The following CNTNAP1 variants were observed in gnomAD, a reference collection of about 807,000 sequenced individuals.
The protein encoded by CNTNAP1 is contactin associated protein 1.
CNTNAP1 carries 80 observed loss-of-function variants against 161.5 expected under a neutral mutation model. That is an observed-to-expected ratio of 0.50 (90% CI 0.41 to 0.60). CNTNAP1 has a LOEUF of 0.60. Among genes scored for constraint, CNTNAP1 ranks in the 20% least tolerant of loss-of-function variants. CNTNAP1 has a pLI of 0.00. For missense variants in CNTNAP1, 1,464 were observed against 1,854.8 expected, an observed-to-expected ratio of 0.79 and a Z score of 3.87; for synonymous variants, 695 against 733.1, an observed-to-expected ratio of 0.95 and a Z score of 0.84.
intron 17 of CNTNAP1, 45 bp downstream of exon 17, chr17:42,692,765 C>G: frequency 6.5e-7 from 1 of 1,538,798 alleles, no homozygotes; most frequent in South Asian, 1.2e-5. Context: ...CTTTACCTCC[C>G]CATCCTCCAA....
rs1034847479 is a variant in CNTNAP1, at chr17:42,690,786, C to T, written c.1903C>T (p.Arg635Ter). ...VVRHDRLWTT[R>*]VTGSSMERPF... ...GCGGCATGACAGGCTGTGGACAACTCGAGTGACAGGTTCCAGCATGGAGCG... is the reference window on the plus strand; with the variant it reads ...GCGGCATGACAGGCTGTGGACAACTTGAGTGACAGGTTCCAGCATGGAGCG... Residue 635 changes from arginine (R) to a stop codon, truncating the protein, a stop_gained, in exon 13 of 24, where the codon CGA (arginine) becomes TGA (stop). Coordinates refer to ENST00000264638, the MANE Select transcript of CNTNAP1 (RefSeq NM_003632.3). LOFTEE classifies it high-confidence loss of function. 2 of 1,614,162 alleles carry T rather than the reference C, an allele frequency of 1.2e-6. No homozygotes were observed. Among genetic ancestry groups the T allele is most frequent in the Non-Finnish European group, 8.5e-7 (1 of 1,180,022 alleles).
rs760327746 is a variant in CNTNAP1 at position 42,690,125 on chromosome 17, T to G, written c.1773T>G (p.Ser591Arg). ...AATCCTGTGAGGCTTATCGGCTCAG[T>G]GGGAAAACTTCTGGAAACTTCACCA... ...YKESCEAYRL[S>R]GKTSGNFTID... The change falls in exon 12 of 24, where the codon AGT becomes AGG. Residue 591 changes from serine to arginine, a missense_variant. Coordinates refer to ENST00000264638, the MANE Select transcript of CNTNAP1 (RefSeq NM_003632.3). 1 of 1,613,894 alleles carries G rather than the reference T, an allele frequency of 6.2e-7. No homozygotes were observed. The highest frequency in any genetic ancestry group is 1.3e-5 in the African/African-American group (1 of 74,878).
At chr17:42,692,414 GA>G in intron 16 of CNTNAP1, 84 bp from the exon 17 acceptor site, 3 of 1,146,264 alleles carry the variant, frequency 2.6e-6, no homozygotes, top group Non-Finnish European at 2.5e-6. Flanking sequence ...AGAGGTGAGG[GA>G]AAGAGGTTAT....
At position 42,697,372 on chromosome 17, in the gene CNTNAP1, G is replaced by T; in HGVS notation, c.3568+5G>T. Reference sequence around the variant, plus strand: ...TGTATTTAGGGCGTGTGATGGGTAAGCTGCGGGTGCGGACGCGTTTTAGGC... The same window carrying T: ...TGTATTTAGGGCGTGTGATGGGTAATCTGCGGGTGCGGACGCGTTTTAGGC... On this transcript the variant is annotated splice_donor_5th_base_variant and intron_variant, in intron 21 of 23. Coordinates refer to ENST00000264638, the MANE Select transcript of CNTNAP1 (RefSeq NM_003632.3). The T allele has an allele frequency of 6.2e-7, 1 of 1,614,056 alleles. No homozygotes were observed. Among genetic ancestry groups the T allele is most frequent in the Non-Finnish European group, 8.5e-7 (1 of 1,179,942 alleles).
intron 8 of CNTNAP1, 78 bp from the exon 9 acceptor site, chr17:42,688,384 G>C: frequency 6.3e-7 from 1 of 1,592,076 alleles, no homozygotes. Context: ...CAGTGGGGCT[G>C]CTGCTTCCCC....
At chr17:42,693,639 T>TA (rs1470448998) in intron 18 of CNTNAP1, 103 bp downstream of exon 18, 2 of 1,504,640 alleles carry the variant, frequency 1.3e-6, no homozygotes, top group Non-Finnish European at 1.8e-6. Context: ...CATGGAAAAT[T>TA]AGAGTTGTCC....
chr17:42,696,194 A>G (rs1360948778), intron 20 of CNTNAP1, 42 bp downstream of exon 20: 1 of 1,609,156 alleles, frequency 6.2e-7, no homozygotes, highest in South Asian at 1.1e-5. Flanking sequence ...TCATAACCTC[A>G]TGGTCTCCGT....
In CNTNAP1 at chr17:42,683,596, A is replaced by C. The variant is rs8075349; in HGVS notation, c.68-225A>C. On this transcript the variant is annotated intron_variant, in intron 1 of 23. Coordinates refer to ENST00000264638, the MANE Select transcript of CNTNAP1 (RefSeq NM_003632.3). Reference sequence around the variant, plus strand: ...AGGGAGGGTCTGGCCTTGGGCCTATAGGTGTAGCCTAGGGGTTTGCCTAGA... The same window carrying C: ...AGGGAGGGTCTGGCCTTGGGCCTATCGGTGTAGCCTAGGGGTTTGCCTAGA... The C allele has an allele frequency of 6.4e-3, 9,023 of 1,403,222 alleles. 303 individuals carry two copies. The African/African-American group carries it at 0.088, about 14-fold the overall frequency. 86.9% of individuals were successfully genotyped at this position (1,403,222 alleles called of 1,614,324 possible).
chr17:42,684,191 G>A lies in CNTNAP1; in HGVS notation c.325G>A (p.Asp109Asn). The change falls in exon 3 of 24, where the codon GAC (aspartate) becomes AAC (asparagine). Residue 109 changes from aspartate to asparagine, a missense_variant. By Grantham distance (23) the Asp-to-Asn change is conservative. Transcript: ENST00000264638. Reference sequence around the variant, plus strand: ...CATGCTACTCTACGGCGACCGAGTGGACAGCTGGACACCGTTCTACCAGCG... The same window carrying A: ...CATGCTACTCTACGGCGACCGAGTGAACAGCTGGACACCGTTCTACCAGCG... Reference protein sequence around the residue: ...RYMLLYGDRVDSWTPFYQRGH... With the variant: ...RYMLLYGDRVNSWTPFYQRGH... 2 of 1,614,092 alleles carry A rather than the reference G, an allele frequency of 1.2e-6. No individual in the cohort carries two copies. The highest frequency in any genetic ancestry group is 1.7e-6 in the Non-Finnish European group (2 of 1,180,024).
chr17:42,683,635 C>A, intron 1 of CNTNAP1, 186 bp from the exon 2 acceptor site: 1 of 1,429,914 alleles, frequency 7.0e-7, no homozygotes, highest in Non-Finnish European at 9.1e-7. Context: ...AGAAGGTAGC[C>A]TCCTCTGAGC....
At position 42,687,680 on chromosome 17, in the gene CNTNAP1, C is replaced by A. The variant is rs201543521; in HGVS notation, c.1045-40C>A. ...ACTGAATTCCCAGCTGAGGCAGAGG[C>A]GGCTCACGGGTGTTGATGCGTCTTC... On this transcript the variant is annotated intron_variant, in intron 7 of 23. Transcript: ENST00000264638. This position sits in a 1 kb window ranked among gnomAD's most constrained non-coding sequence, Gnocchi z 4.7. The A allele has an allele frequency of 6.3e-7, 1 of 1,598,224 alleles. No individual in the cohort carries two copies. Among genetic ancestry groups the A allele is most frequent in the Non-Finnish European group, 8.5e-7 (1 of 1,170,572 alleles).
Position 42,686,973 on chromosome 17 carries a change from T to G in CNTNAP1, c.971T>G (p.Ile324Arg). 6.2e-7 allele frequency: 1 copy of G among 1,613,940 alleles called. No individual in the cohort carries two copies. Residue 324 changes from isoleucine (I) to arginine (R), a missense_variant, in exon 7 of 24, where the codon ATA becomes AGA. Around this residue, in one of 3 missense-constraint regions of CNTNAP1, gnomAD observed 1,383 missense variants for 1,765.0 expected, o/e 0.78. Transcript: ENST00000264638. ...LAYRHNFRGC[I>R]ENVIFNRVNI... Reference sequence around the variant, plus strand: ...TATCGGCATAACTTCCGCGGCTGCATAGAAAACGTAATCTTCAACCGCGTC... The same window carrying G: ...TATCGGCATAACTTCCGCGGCTGCAGAGAAAACGTAATCTTCAACCGCGTC...
chr17:42,695,349 G>A (rs1397285191), intron 18 of CNTNAP1, among the ~76,000 whole-genome samples, 172 bp from the exon 19 acceptor site: 2 of 152,188 alleles, frequency 1.3e-5, no homozygotes, highest in Non-Finnish European at 2.9e-5. Context: ...TCCCATGGCT[G>A]TAAGATTCTG....
rs1451384238 is a variant in CNTNAP1 at position 42,687,701 on chromosome 17, T to C, written c.1045-19T>C. Reference sequence around the variant, plus strand: ...GAGGCGGCTCACGGGTGTTGATGCGTCTTCACTTTTGCCCCTAGGGTAAGG... The same window carrying C: ...GAGGCGGCTCACGGGTGTTGATGCGCCTTCACTTTTGCCCCTAGGGTAAGG... On this transcript the variant is annotated intron_variant, in intron 7 of 23. Coordinates refer to ENST00000264638, the MANE Select transcript of CNTNAP1 (RefSeq NM_003632.3). The surrounding 1 kb of genome is among the most constrained non-coding windows in gnomAD (Gnocchi z 4.7). 6.2e-7 allele frequency: 1 copy of C among 1,612,162 alleles called. No individual in the cohort carries two copies. The highest frequency in any genetic ancestry group is 8.5e-7 in the Non-Finnish European group (1 of 1,178,624).
chr17:42,682,975 G>A, intron 1 of CNTNAP1, 79 bp downstream of exon 1: 5 of 1,361,932 alleles, frequency 3.7e-6, no homozygotes, highest in Non-Finnish European at 4.0e-6. Context: ...CCGCATTGCG[G>A]CTGGGTGGTC....
rs746807793 is a variant in CNTNAP1 at position 42,685,016 on chromosome 17, C to A, written c.389C>A (p.Ser130Ter). The A allele has an allele frequency of 6.2e-7, 1 of 1,604,908 alleles. No homozygotes were observed. Among genetic ancestry groups the A allele is most frequent in the South Asian group, 1.1e-5 (1 of 89,570 alleles). ...ACCTTCTTTGGTAACGTGAACGAGTCGGCGGTGGTGCGCCATGACCTGCAC... is the reference window on the plus strand; with the variant it reads ...ACCTTCTTTGGTAACGTGAACGAGTAGGCGGTGGTGCGCCATGACCTGCAC... ...NSTFFGNVNESAVVRHDLHFH... is the reference protein window; with the variant it reads ...NSTFFGNVNE Residue 130 changes from serine to a stop codon, truncating the protein, a stop_gained, in exon 4 of 24, where the codon TCG becomes TAG. Transcript: ENST00000264638. LOFTEE classifies it high-confidence loss of function. This position sits in a 1 kb window ranked among gnomAD's most constrained non-coding sequence, Gnocchi z 5.0.
rs962698963 is a variant in CNTNAP1, at chr17:42,687,020, C to T, written c.1018C>T (p.Arg340Trp). 6.2e-6 allele frequency: 10 copies of T among 1,613,446 alleles called. No individual in the cohort carries two copies. The highest frequency in any genetic ancestry group is 2.5e-6 in the Non-Finnish European group (3 of 1,179,500). The change falls in exon 7 of 24, where the codon CGG becomes TGG. Residue 340 changes from arginine (R) to tryptophan (W), a missense_variant. This residue lies in a region of CNTNAP1 where 1,383 missense variants were observed against 1,765.0 expected (regional missense o/e 0.78). Coordinates refer to ENST00000264638, the MANE Select transcript of CNTNAP1 (RefSeq NM_003632.3). This position sits in a 1 kb window ranked among gnomAD's most constrained non-coding sequence, Gnocchi z 4.7. ...NRVNIADLAV[R>W]RHSRITFEGK... ...CGTCAACATCGCAGACCTGGCCGTG[C>T]GGCGCCATTCCCGGATCACCTTCGA...
Position 42,690,143 on chromosome 17 carries a change from C to T in CNTNAP1, c.1791C>T (p.Asn597=). The T allele has an allele frequency of 6.2e-7, 1 of 1,614,064 alleles. No homozygotes were observed. Among genetic ancestry groups the T allele is most frequent in the Non-Finnish European group, 8.5e-7 (1 of 1,179,978 alleles). Residue 597 remains asparagine (N), a synonymous_variant, in exon 12 of 24, where the codon AAC becomes AAT. Transcript: ENST00000264638. ...GGCTCAGTGGGAAAACTTCTGGAAA[C>T]TTCACCATTGATCCTGATGGCAGTG... ...AYRLSGKTSG[N]FTIDPDGSGP... is the part of the protein sequence containing the mutation.
chr17:42,692,740 C>A lies in CNTNAP1; in HGVS notation c.2752+20C>A. The A allele has an allele frequency of 6.3e-7, 1 of 1,585,938 alleles. No individual in the cohort carries two copies. The highest frequency in any genetic ancestry group is 1.1e-5 in the South Asian group (1 of 88,302). On this transcript the variant is annotated intron_variant, in intron 17 of 23. Coordinates refer to ENST00000264638, the MANE Select transcript of CNTNAP1 (RefSeq NM_003632.3). ...ATGTGGGTAAGCAGCAACCCAGAGG[C>A]AAGTCTGAAGCCTCCTTTACCTCCC... is the stretch of plus-strand genomic sequence containing the variant.
Sources: allele counts gnomAD v4.1 joint callset (sites outside exome capture counted in the v4.1 genomes callset), GRCh38; gene constraint gnomAD v4.1.1; regional missense constraint gnomAD v4.1.1; non-coding constraint Gnocchi (gnomAD v3.1); transcripts MANE v1.5; gene names NCBI Gene and HGNC (gene_info 2026-07-23, HGNC 2026-07-21).